The following STARD9 variants were observed in gnomAD, a reference collection of about 807,000 sequenced individuals.
STARD9 encodes the protein StAR related lipid transfer domain containing 9, also known as stAR-related lipid transfer protein 9.
A neutral mutation model predicts 399.8 loss-of-function variants in STARD9; 346 were observed. The observed-to-expected ratio is 0.87, with a 90% CI of 0.79 to 0.95. The LOEUF (loss-of-function observed/expected upper bound fraction) is 0.95, where lower values mean the gene tolerates loss of function less well. Among genes scored for constraint, STARD9 ranks in the 40% least tolerant of loss-of-function variants. The probability of loss-of-function intolerance (pLI) is 0.00; values close to 1 mark genes in which losing one functional copy is unlikely to be tolerated. For missense variants in STARD9, 5,832 were observed against 5,667.5 expected (o/e 1.03, Z -0.93); for synonymous variants, 2,203 against 2,143.5 (o/e 1.03, Z -0.77).
At chr15:42,578,543 A>G (rs188025826) in intron 1 of STARD9, among the ~76,000 whole-genome samples, 427 of 152,246 alleles carry the variant, frequency 2.8e-3, no homozygotes, top group African/African-American at 9.7e-3. Context: ...CATTATGAGA[A>G]CACATCTGAT....
At chr15:42,719,429 C>T (rs1240707318) in intron 32 of STARD9, 44 bp from the exon 33 acceptor site, 1 of 1,332,044 alleles carries the variant, frequency 7.5e-7, no homozygotes, top group Non-Finnish European at 1.0e-6. Flanking sequence ...CTGGCATTCT[C>T]TCAAATCTAT....
At chr15:42,588,691 C>A (rs192149338) in intron 3 of STARD9, among the ~76,000 whole-genome samples, 1 of 145,930 alleles carries the variant, frequency 6.9e-6, no homozygotes, top group Non-Finnish European at 1.5e-5. Context: ...CCACCACGGA[C>A]GGGTAAGAAA....
At position 42,693,644 on chromosome 15, in the gene STARD9, C is replaced by T; in HGVS notation, c.12066C>T (p.His4022=). 1 of 1,537,284 alleles carries T rather than the reference C, an allele frequency of 6.5e-7. No individual in the cohort carries two copies. Among genetic ancestry groups the T allele is most frequent in the Non-Finnish European group, 8.7e-7 (1 of 1,146,920 alleles). ...QSRLLPPPLR[H]RSQRLGNSFV... The stretch of plus-strand genomic sequence containing the variant: ...GACTGCTGCCACCACCACTGAGGCA[C>T]AGGAGCCAAAGGCTGGGCAACAGCT... Residue 4022 remains histidine (H), a synonymous_variant, in exon 23 of 33, where the codon CAC becomes CAT. Transcript: ENST00000290607.
intron 26 of STARD9, among the ~76,000 whole-genome samples, chr15:42,706,838 A>C (rs751014800): frequency 7.9e-5 from 12 of 152,244 alleles, no homozygotes; most frequent in Admixed American, 3.3e-4. Flanking sequence ...ATTCTTATCC[A>C]GAATGGGTAT....
At chr15:42,643,756 C>G (rs922738764) in intron 7 of STARD9, among the ~76,000 whole-genome samples, 2 of 152,098 alleles carry the variant, frequency 1.3e-5, no homozygotes, top group African/African-American at 4.8e-5. Context: ...TTGGCCACCT[C>G]TTTTGTAGTA....
chr15:42,628,597 G>T (rs1174502166), intron 3 of STARD9, among the ~76,000 whole-genome samples: 1 of 152,154 alleles, frequency 6.6e-6, no homozygotes, highest in East Asian at 1.9e-4. Flanking sequence ...ATTTTGATTT[G>T]ATTTTTATAT....
chr15:42,588,512 A>G (rs1034117828), intron 3 of STARD9, among the ~76,000 whole-genome samples: 2 of 151,856 alleles, frequency 1.3e-5, no homozygotes, highest in African/African-American at 4.8e-5. Flanking sequence ...TCCCAGGAGG[A>G]GTTAGGATAG....
chr15:42,682,653 C>A, intron 22 of STARD9, 78 bp downstream of exon 22: 1 of 1,159,108 alleles, frequency 8.6e-7, no homozygotes, highest in Non-Finnish European at 1.2e-6. Flanking sequence ...TCTGTTTTTC[C>A]CCATGCCTCA....
chr15:42,669,080 GA>G, intron 15 of STARD9, 77 bp from the exon 16 acceptor site: 1 of 1,253,118 alleles, frequency 8.0e-7, no homozygotes, highest in South Asian at 1.6e-5. Flanking sequence ...GGGGAAATAG[GA>G]ATAGATTGTA....
chr15:42,580,306 C>T (rs1158756650), intron 1 of STARD9, among the ~76,000 whole-genome samples: 4 of 152,100 alleles, frequency 2.6e-5, no homozygotes, highest in Non-Finnish European at 5.9e-5. Flanking sequence ...TATCATTCCC[C>T]CCTGCTAGTT....
At chr15:42,652,120 CA>C (rs1290247270) in intron 8 of STARD9, among the ~76,000 whole-genome samples, 1 of 152,144 alleles carries the variant, frequency 6.6e-6, no homozygotes, top group Non-Finnish European at 1.5e-5. Flanking sequence ...AAGCTTTCTA[CA>C]TCCACTTGTC....
Position 42,718,457 on chromosome 15 carries a change from C to A in STARD9, c.13785C>A (p.Thr4595=). 1 of 1,537,146 alleles carries A rather than the reference C, an allele frequency of 6.5e-7. No homozygotes were observed. The highest frequency in any genetic ancestry group is 2.4e-5 in the East Asian group (1 of 40,912). The change falls in exon 31 of 33, where the codon ACC becomes ACA. Residue 4595 remains threonine, a synonymous_variant. Transcript: ENST00000290607. ...ISLVYLVCNT[T]LCALKQPRDF... is the part of the protein sequence containing the mutation. ...CAGTGTACTTGGTGTGCAACACCAC[C>A]CTGTGCGCACTGAAGCAGCCACGGG...
At chr15:42,585,747 A>G (rs558210286) in intron 3 of STARD9, 110 bp downstream of exon 3, 1 of 599,832 alleles carries the variant, frequency 1.7e-6, no homozygotes, top group Admixed American at 3.2e-5. Flanking sequence ...AGTTGTACAG[A>G]TTGGAAGTAC....
rs1409429063 is a variant in STARD9, at chr15:42,681,377, T to G, written c.1875-45T>G. The G allele has an allele frequency of 2.6e-6, 4 of 1,513,716 alleles. No homozygotes were observed. The Admixed American group carries it at 8.2e-5, about 31-fold the overall frequency. 93.8% of individuals were successfully genotyped at this position (1,513,716 alleles called of 1,614,324 possible). ...CACTGCTATCAGTTTGTCCTGAGCT[T>G]GGTTTGCATTTCCCCTTGGGTAACC... On this transcript the variant is annotated intron_variant, in intron 20 of 32. Coordinates refer to ENST00000290607, the MANE Select transcript of STARD9 (RefSeq NM_020759.3).
rs764843092 is a variant in STARD9 at position 42,694,077 on chromosome 15, G to C, written c.12499G>C (p.Gly4167Arg). 1 of 1,536,830 alleles carries C rather than the reference G, an allele frequency of 6.5e-7. No individual in the cohort carries two copies. Residue 4167 changes from glycine to arginine, a missense_variant, in exon 23 of 33, where the codon GGT becomes CGT. Gly to Arg is a moderately radical substitution (Grantham distance 125). Around this residue, in one of 2 missense-constraint regions of STARD9, gnomAD observed 5,828 missense variants for 5,651.1 expected, o/e 1.03. Transcript: ENST00000290607. ...GACTGAGGAGGAGCTGGGGGCCAGC[G>C]GTGATCTCAGCTCTGAAAAGCAGGA... ...DMTEEELGAS[G>R]DLSSEKQEQS... is the part of the protein sequence containing the mutation.
rs2060675731 is a variant in STARD9 at position 42,690,883 on chromosome 15, C to G, written c.9305C>G (p.Ser3102Cys). 6.5e-7 allele frequency: 1 copy of G among 1,537,210 alleles called. No homozygotes were observed. The highest frequency in any genetic ancestry group is 8.7e-7 in the Non-Finnish European group (1 of 1,146,910). ...KQASTELEAASFPAGMYSEPL... is the reference protein window; with the variant it reads ...KQASTELEAACFPAGMYSEPL... Reference sequence around the variant, plus strand: ...GCAAGCACAGAACTTGAGGCTGCCTCTTTCCCTGCAGGCATGTACTCTGAG... The same window carrying G: ...GCAAGCACAGAACTTGAGGCTGCCTGTTTCCCTGCAGGCATGTACTCTGAG... Residue 3102 changes from serine to cysteine, a missense_variant, in exon 23 of 33, where the codon TCT becomes TGT. Physicochemically the swap from Ser to Cys is moderately radical, Grantham distance 112. Around this residue, in one of 2 missense-constraint regions of STARD9, gnomAD observed 5,828 missense variants for 5,651.1 expected, o/e 1.03. Transcript: ENST00000290607.
At chr15:42,648,556 T>G (rs1424002083) in intron 7 of STARD9, among the ~76,000 whole-genome samples, 3 of 152,250 alleles carry the variant, frequency 2.0e-5, no homozygotes, top group African/African-American at 7.2e-5. Context: ...TACCATTCTC[T>G]TCTGCTTTCC....
chr15:42,707,015 TG>T (rs2061102801), intron 26 of STARD9, among the ~76,000 whole-genome samples: 1 of 152,224 alleles, frequency 6.6e-6, no homozygotes, highest in Non-Finnish European at 1.5e-5. Flanking sequence ...TTTAGAATTT[TG>T]CATCCATATT....
chr15:42,676,457 TTCTC>T (rs2060313949), intron 20 of STARD9, among the ~76,000 whole-genome samples: 1 of 152,164 alleles, frequency 6.6e-6, no homozygotes, highest in African/African-American at 2.4e-5. Context: ...AAGGCTTTCT[TTCTC>T]ATAACCAAGA....
Sources: gnomAD v4.1 joint callset for allele counts (sites outside exome capture counted in the v4.1 genomes callset) on GRCh38, gnomAD v4.1.1 for gene constraint, gnomAD v4.1.1 regional missense constraint, MANE v1.5 for transcripts, NCBI Gene and HGNC (gene_info 2026-07-23, HGNC 2026-07-21) for gene names.